Variants in LIMA1 observed in about 807,000 individuals in gnomAD.
LIMA1 encodes LIM domain and actin binding 1.
A neutral mutation model predicts 62.6 loss-of-function variants in LIMA1; 52 were observed. That is an observed-to-expected ratio of 0.83 (90% CI 0.67 to 1.05). LIMA1 has a LOEUF of 1.05. LIMA1 is among the 50% of genes least tolerant of loss of function. The probability of loss-of-function intolerance (pLI) is 0.00; values close to 1 mark genes in which losing one functional copy is unlikely to be tolerated. For missense variants in LIMA1, 780 were observed against 902.2 expected (o/e 0.86, Z 1.74); for synonymous variants, 302 against 317.8 (o/e 0.95, Z 0.53).
chr12:50,279,992 C>G (rs1021465995), intron 1 of LIMA1, among the ~76,000 whole-genome samples: 3 of 151,988 alleles, frequency 2.0e-5, no homozygotes, highest in African/African-American at 7.3e-5. Flanking sequence ...CAAGACAAAA[C>G]ATATTTGAAG....
chr12:50,280,117 G>A (rs1485057196), intron 1 of LIMA1, among the ~76,000 whole-genome samples: 4 of 140,296 alleles, frequency 2.9e-5, no homozygotes, highest in Non-Finnish European at 6.2e-5. Flanking sequence ...CCCTAAAGAT[G>A]AAAGTTCTTA....
At chr12:50,261,042 A>AGTTTTTTTT (rs1942062570) in intron 1 of LIMA1, among the ~76,000 whole-genome samples, 1 of 54,292 alleles carries the variant, frequency 1.8e-5, no homozygotes, top group Non-Finnish European at 3.2e-5. Flanking sequence ...CATCTAGTAT[A>AGTTTTTTTT]TTTTTTTTTT....
intron 1 of LIMA1, among the ~76,000 whole-genome samples, chr12:50,261,016 T>C (rs1405755346): frequency 6.8e-6 from 1 of 147,286 alleles, no homozygotes; most frequent in Non-Finnish European, 1.5e-5. Flanking sequence ...GCTTTTTTTG[T>C]CTTTTGCTTT....
At chr12:50,181,426 G>A (rs763616770) in intron 10 of LIMA1, among the ~76,000 whole-genome samples, 1 of 152,142 alleles carries the variant, frequency 6.6e-6, no homozygotes, top group African/African-American at 2.4e-5. Context: ...TTTGCACTTT[G>A]AGTTACTTGG....
rs139594913 is a variant in LIMA1 at position 50,222,238 on chromosome 12, A to G, written c.413T>C (p.Val138Ala). 12 of 1,614,138 alleles carry G rather than the reference A, an allele frequency of 7.4e-6. No homozygotes were observed. In the Admixed American group the frequency reaches 1.7e-4, roughly 22 times the overall value. The change falls in exon 4 of 11, where the codon GTT becomes GCT. Residue 138 changes from valine (V) to alanine (A), a missense_variant. Coordinates refer to ENST00000341247, the MANE Select transcript of LIMA1 (RefSeq NM_016357.5). ...CTTGATGTGGGGATATCGACCCTGA[A>G]CGAGGGCTTCAGGAGGTGACCTGAG... is the stretch of plus-strand genomic sequence containing the variant. ...SRLRSPPEAL[V>A]QGRYPHIKDG...
intron 1 of LIMA1, among the ~76,000 whole-genome samples, chr12:50,272,865 G>GTGAA (rs1353127412): frequency 1.3e-5 from 2 of 151,454 alleles, no homozygotes; most frequent in Non-Finnish European, 2.9e-5. Context: ...GGCTAACATG[G>GTGAA]TGAAACCCCT....
At position 50,181,928 on chromosome 12, in the gene LIMA1, C is replaced by CA. The variant is rs1940511946; in HGVS notation, c.1249dup (p.Cys417LeufsTer23). 1 of 1,613,916 alleles carries CA rather than the reference C, an allele frequency of 6.2e-7. No individual in the cohort carries two copies. The highest frequency in any genetic ancestry group is 1.7e-5 in the Admixed American group (1 of 59,998). On this transcript the variant is annotated frameshift_variant, in exon 10 of 11. Transcript: ENST00000341247. LOFTEE classifies it high-confidence loss of function. ...CCTGAGTTTGTTGTTGCAATAGGAGCAACGGAAGCAGCTGATGTGAAACAC... is the reference window on the plus strand; with the variant it reads ...CCTGAGTTTGTTGTTGCAATAGGAGCAAACGGAAGCAGCTGATGTGAAACAC...
chr12:50,209,363 A>C (rs1472480024), intron 4 of LIMA1, among the ~76,000 whole-genome samples: 3 of 151,796 alleles, frequency 2.0e-5, no homozygotes, highest in Non-Finnish European at 4.4e-5. Flanking sequence ...TGAGGTCAAG[A>C]GTTCGAGGCC....
At chr12:50,225,672 C>T (rs529937690) in intron 3 of LIMA1, among the ~76,000 whole-genome samples, 1 of 152,290 alleles carries the variant, frequency 6.6e-6, no homozygotes, top group Non-Finnish European at 1.5e-5. Context: ...CTTGCCTCAG[C>T]CTCTCAAGTA....
chr12:50,210,418 CAAAA>C (rs769288381), intron 4 of LIMA1, among the ~76,000 whole-genome samples: 1,104 of 90,818 alleles, frequency 0.012, 16 homozygotes, highest in African/African-American at 0.04. Context: ...ACCCCATTTC[CAAAA>C]AAAAAAAAAA....
intron 2 of LIMA1, among the ~76,000 whole-genome samples, chr12:50,232,476 CCCA>C (rs982967413): frequency 6.0e-5 from 9 of 151,006 alleles, no homozygotes; most frequent in African/African-American, 1.9e-4. Context: ...CTCAAGTGAT[CCCA>C]CCACCTCATC....
At chr12:50,188,047 G>A (rs1341543813) in intron 9 of LIMA1, 2 of 152,184 alleles carry the variant, frequency 1.3e-5, no homozygotes, top group East Asian at 3.8e-4. Flanking sequence ...TTGGTACCAA[G>A]TCTTACCAAG....
chr12:50,192,479 A>G lies in LIMA1; in HGVS notation c.1113T>C (p.Ser371=). ...TCATTGCTTTGGGAGGAGAACTTTCAGAAAGACTGGAGGCTCTGGAATCTG... is the reference window on the plus strand; with the variant it reads ...TCATTGCTTTGGGAGGAGAACTTTCGGAAAGACTGGAGGCTCTGGAATCTG... ...LSPDSRASSL[S]ESSPPKAMKK... The change falls in exon 9 of 11, where the codon TCT becomes TCC. Residue 371 remains serine (S), a synonymous_variant. Coordinates refer to ENST00000341247, the MANE Select transcript of LIMA1 (RefSeq NM_016357.5). The G allele has an allele frequency of 6.2e-7, 1 of 1,613,792 alleles. No individual in the cohort carries two copies. The highest frequency in any genetic ancestry group is 8.5e-7 in the Non-Finnish European group (1 of 1,179,644).
intron 4 of LIMA1, among the ~76,000 whole-genome samples, chr12:50,207,570 G>A (rs1333784118): frequency 6.6e-6 from 1 of 152,140 alleles, no homozygotes; most frequent in Non-Finnish European, 1.5e-5. Context: ...TAAGTTCAAT[G>A]GACTAATCAA....
chr12:50,213,559 AG>A (rs916698994), intron 4 of LIMA1, among the ~76,000 whole-genome samples: 18 of 152,248 alleles, frequency 1.2e-4, no homozygotes, highest in African/African-American at 4.1e-4. Flanking sequence ...AACTCTCTTA[AG>A]GTTCTAGGAT....
chr12:50,249,482 T>G (rs1334898179), intron 1 of LIMA1, among the ~76,000 whole-genome samples: 1 of 152,204 alleles, frequency 6.6e-6, no homozygotes, highest in Non-Finnish European at 1.5e-5. Flanking sequence ...CATTGACTCT[T>G]GTTATAATTC....
intron 2 of LIMA1, among the ~76,000 whole-genome samples, chr12:50,243,349 G>C (rs1426250604): frequency 6.6e-6 from 1 of 152,198 alleles, no homozygotes; most frequent in African/African-American, 2.4e-5. Flanking sequence ...AGCTAGGCTT[G>C]TATAGGACTC....
chr12:50,242,153 C>A (rs186685812), intron 2 of LIMA1, among the ~76,000 whole-genome samples: 1 of 151,296 alleles, frequency 6.6e-6, no homozygotes, highest in African/African-American at 2.4e-5. Context: ...GCTTGTATGC[C>A]CTCAAATAGA....
At position 50,177,544 on chromosome 12, in the gene LIMA1, G is replaced by C. The variant is rs1360118260; in HGVS notation, c.1800C>G (p.Thr600=). The C allele has an allele frequency of 1.2e-6, 2 of 1,611,582 alleles. No individual in the cohort carries two copies. The highest frequency in any genetic ancestry group is 4.5e-5 in the East Asian group (2 of 44,856). Residue 600 remains threonine (T), a synonymous_variant, in exon 11 of 11, where the codon ACC becomes ACG. Coordinates refer to ENST00000341247, the MANE Select transcript of LIMA1 (RefSeq NM_016357.5). ...PFTVAASFQS[T]SVKSPKTVSP... ...ACACAGTTTTTGGGCTCTTGACAGA[G>C]GTGCTTTGAAATGAAGCTGCTACAG...
Sources: allele counts gnomAD v4.1 joint callset (sites outside exome capture counted in the v4.1 genomes callset), GRCh38; gene constraint gnomAD v4.1.1; transcripts MANE v1.5; gene names NCBI Gene and HGNC (gene_info 2026-07-23, HGNC 2026-07-21).